Variants in LRRIQ3 observed in about 807,000 individuals in gnomAD.
LRRIQ3 encodes the protein leucine-rich repeat and IQ domain-containing protein 3.
In LRRIQ3, 75 loss-of-function variants were observed where a neutral mutation model predicts 59.3. The observed-to-expected ratio is 1.26, with a 90% CI of 1.05 to 1.53. The LOEUF (loss-of-function observed/expected upper bound fraction) is 1.53. Among genes scored for constraint, LRRIQ3 ranks in the 40% most tolerant of loss-of-function variants. The pLI, the probability that LRRIQ3 is intolerant of heterozygous loss-of-function variation, is 0.00. For missense variants in LRRIQ3, 831 were observed against 710.0 expected (o/e 1.17, Z -1.94); for synonymous variants, 250 against 231.3 (o/e 1.08, Z -0.73).
At chr1:74,128,878 G>A (rs926164754) in intron 4 of LRRIQ3, among the ~76,000 whole-genome samples, 18 of 152,062 alleles carry the variant, frequency 1.2e-4, no homozygotes, top group African/African-American at 4.3e-4. Context: ...GTACTTCCAC[G>A]AAATTCTTCT....
chr1:74,028,463 GA>G (rs1384784206), intron 7 of LRRIQ3, among the ~76,000 whole-genome samples: 1 of 151,958 alleles, frequency 6.6e-6, no homozygotes, highest in Non-Finnish European at 1.5e-5. Context: ...AATTTTACTG[GA>G]TGGATAATAG....
chr1:74,100,199 T>C (rs1646510101), intron 5 of LRRIQ3, among the ~76,000 whole-genome samples: 1 of 152,168 alleles, frequency 6.6e-6, no homozygotes, highest in South Asian at 2.1e-4. Flanking sequence ...GATAAGCAAC[T>C]TCAGCAAAGT....
At chr1:74,148,829 C>A (rs1055069652) in intron 4 of LRRIQ3, among the ~76,000 whole-genome samples, 1 of 152,070 alleles carries the variant, frequency 6.6e-6, no homozygotes. Context: ...ATTCTGTCTA[C>A]CACATGTGAG....
At chr1:74,174,448 TCTCAGCTCACTGTAAC>T (rs1649515725) in intron 3 of LRRIQ3, among the ~76,000 whole-genome samples, 1 of 151,966 alleles carries the variant, frequency 6.6e-6, no homozygotes. Flanking sequence ...AATGGTGCGA[TCTCAGCTCACTGTAAC>T]CTCTGCCTCC....
intron 1 of LRRIQ3, among the ~76,000 whole-genome samples, chr1:74,196,841 GTCTCCC>G (rs1464882177): frequency 6.6e-6 from 1 of 152,122 alleles, no homozygotes; most frequent in Non-Finnish European, 1.5e-5. Context: ...CTCCAAAGAA[GTCTCCC>G]TGCTTCTATC....
intron 6 of LRRIQ3, among the ~76,000 whole-genome samples, chr1:74,054,219 T>TA (rs199869076): frequency 0.014 from 2,150 of 150,532 alleles, 48 homozygotes; most frequent in African/African-American, 0.048. Context: ...TATCAAGCCA[T>TA]AAAAAAAAAC....
chr1:74,106,389 G>A (rs1646613283), intron 5 of LRRIQ3, among the ~76,000 whole-genome samples: 1 of 151,944 alleles, frequency 6.6e-6, no homozygotes, highest in South Asian at 2.1e-4. Context: ...GGGAGGAAGG[G>A]AGGGGAGCTA....
Position 74,084,317 on chromosome 1 carries a change from C to A in LRRIQ3, c.868-9527G>T, listed in dbSNP as rs1038190135. 13 of 1,237,946 alleles carry A rather than the reference C, an allele frequency of 1.1e-5. No homozygotes were observed. The African/African-American group carries it at 1.2e-4, about 12-fold the overall frequency. 76.7% of individuals were successfully genotyped at this position (1,237,946 alleles called of 1,614,324 possible). A position where few individuals can be genotyped will look rare whatever the true frequency, so the allele number is the denominator to read the frequency against. On this transcript the variant is annotated intron_variant, in intron 5 of 7. Transcript: ENST00000354431. ...AATAATCAGCAAACATTACATTTTG[C>A]CTGGAGGACAGTGAGCTCAAGATTT...
At position 74,180,792 on chromosome 1, in the gene LRRIQ3, T is replaced by C. The variant is rs1649930146; in HGVS notation, c.573+1746A>G. On this transcript the variant is annotated intron_variant, in intron 3 of 7. Coordinates refer to ENST00000354431, the MANE Select transcript of LRRIQ3 (RefSeq NM_001105659.2). ...TTTCTCCTGTAAAATAAGACTAACA[T>C]TTTTCCACATCCAAGGAAACAATGA... The C allele has an allele frequency of 1.9e-6, 3 of 1,549,504 alleles. No homozygotes were observed. The African/African-American group carries it at 4.1e-5, about 21-fold the overall frequency.
intron 4 of LRRIQ3, among the ~76,000 whole-genome samples, chr1:74,132,063 A>G (rs1004843370): frequency 6.6e-6 from 1 of 152,170 alleles, no homozygotes; most frequent in African/African-American, 2.4e-5. Flanking sequence ...AAATATCACA[A>G]ACGTTCTTAT....
chr1:74,183,922 G>T (rs1461159114), intron 1 of LRRIQ3, among the ~76,000 whole-genome samples: 1 of 151,916 alleles, frequency 6.6e-6, no homozygotes, highest in Non-Finnish European at 1.5e-5. Flanking sequence ...ATTAGCAAGA[G>T]GAAGACAAAC....
chr1:74,123,972 T>C (rs1646898999), intron 4 of LRRIQ3, among the ~76,000 whole-genome samples: 1 of 151,858 alleles, frequency 6.6e-6, no homozygotes, highest in Non-Finnish European at 1.5e-5. Context: ...CAAAACAACA[T>C]AGTACTGTCA....
intron 4 of LRRIQ3, chr1:74,138,431 C>T: frequency 1.0e-6 from 1 of 966,682 alleles, no homozygotes; most frequent in East Asian, 1.2e-4. Flanking sequence ...CATTACCAGA[C>T]TTACATACTT....
chr1:74,196,383 G>A (rs1651127645), intron 1 of LRRIQ3, among the ~76,000 whole-genome samples: 2 of 151,946 alleles, frequency 1.3e-5, no homozygotes, highest in Non-Finnish European at 2.9e-5. Context: ...TCACTCCCTT[G>A]GGACCTCACT....
intron 4 of LRRIQ3, among the ~76,000 whole-genome samples, chr1:74,139,825 T>C (rs1168667728): frequency 6.6e-6 from 1 of 151,940 alleles, no homozygotes; most frequent in Admixed American, 6.6e-5. Context: ...CTAAAATTTT[T>C]ATATGGTCAA....
intron 6 of LRRIQ3, among the ~76,000 whole-genome samples, chr1:74,059,754 A>G (rs2100439581): frequency 6.6e-6 from 1 of 152,156 alleles, no homozygotes; most frequent in Middle Eastern, 3.4e-3. Flanking sequence ...AAATTTTGAT[A>G]GGGATTGCTT....
intron 7 of LRRIQ3, among the ~76,000 whole-genome samples, chr1:74,033,829 C>A (rs1046910770): frequency 2.6e-5 from 4 of 151,910 alleles, no homozygotes; most frequent in Non-Finnish European, 5.9e-5. Flanking sequence ...AATTGAAAAA[C>A]CACTTTATTT....
chr1:74,195,299 G>A (rs752979597), intron 1 of LRRIQ3, among the ~76,000 whole-genome samples: 14 of 152,180 alleles, frequency 9.2e-5, no homozygotes, highest in Non-Finnish European at 1.3e-4. Context: ...TACAGCCCTA[G>A]CTTGGCCTGA....
At chr1:74,093,213 A>G (rs1245974807) in intron 5 of LRRIQ3, among the ~76,000 whole-genome samples, 1 of 152,070 alleles carries the variant, frequency 6.6e-6, no homozygotes, top group African/African-American at 2.4e-5. Flanking sequence ...AAGACTATGA[A>G]ACTCCAACAC....
Sources: allele counts gnomAD v4.1 joint callset (sites outside exome capture counted in the v4.1 genomes callset), GRCh38; gene constraint gnomAD v4.1.1; transcripts MANE v1.5; gene names NCBI Gene and HGNC (gene_info 2026-07-23, HGNC 2026-07-21).